Variants in MRPS5 observed in about 807,000 individuals in gnomAD.
MRPS5 encodes mitochondrial ribosomal protein S5, also known as small ribosomal subunit protein uS5m.
MRPS5 carries 27 observed loss-of-function variants against 51.9 expected under a neutral mutation model. That is an observed-to-expected ratio of 0.52 (90% CI 0.38 to 0.72). The LOEUF is 0.72. MRPS5 is among the 30% of genes least tolerant of loss of function. The probability of loss-of-function intolerance (pLI) is 0.00; values close to 1 mark genes in which losing one functional copy is unlikely to be tolerated. For synonymous variants in MRPS5, 196 were observed against 193.2 expected (o/e 1.01, Z -0.12); for missense variants, 570 against 545.7 (o/e 1.04, Z -0.44).
intron 2 of MRPS5, among the ~76,000 whole-genome samples, chr2:95,116,548 G>A (rs1439999252): frequency 5.9e-5 from 9 of 152,290 alleles, no homozygotes; most frequent in Middle Eastern, 6.8e-3. Flanking sequence ...TTTATAACAG[G>A]AGATGGCATC....
At chr2:95,110,304 C>G (rs1676080263) in intron 3 of MRPS5, among the ~76,000 whole-genome samples, 1 of 152,248 alleles carries the variant, frequency 6.6e-6, no homozygotes, top group Non-Finnish European at 1.5e-5. Flanking sequence ...TAAAAGCCAG[C>G]ATTCAAATCT....
intron 10 of MRPS5, among the ~76,000 whole-genome samples, chr2:95,100,159 A>G (rs1675753707): frequency 6.6e-6 from 1 of 152,194 alleles, no homozygotes; most frequent in East Asian, 1.9e-4. Context: ...AAATGCATCA[A>G]TGAATTCCCT....
At chr2:95,100,407 G>A in intron 10 of MRPS5, 67 bp downstream of exon 10, 18 of 1,172,026 alleles carry the variant, frequency 1.5e-5, no homozygotes, top group Non-Finnish European at 2.0e-5. Context: ...CAAAAATAGA[G>A]GAGAGGATAG....
intron 8 of MRPS5, 151 bp downstream of exon 8, chr2:95,101,526 A>C: frequency 1.8e-6 from 1 of 570,900 alleles, no homozygotes; most frequent in South Asian, 3.0e-5. Flanking sequence ...GTACTTCTGA[A>C]ACTGATTTTT....
Position 95,107,422 on chromosome 2 carries a change from G to C in MRPS5, c.637+753C>G, listed in dbSNP as rs902793676. ...TTCTGTGCCCTGCCCTTCCTTCTGT[G>C]AGCAAGTGAAGCCACTTCACACTCT... On this transcript the variant is annotated intron_variant, in intron 5 of 11. Coordinates refer to ENST00000272418, the MANE Select transcript of MRPS5 (RefSeq NM_031902.5). Among the ~76,000 whole-genome samples the C allele has an allele frequency of 5.3e-5, 8 of 152,034 alleles. No individual in the cohort carries two copies. In the East Asian group the frequency reaches 5.8e-4, roughly 11 times the overall value.
rs573934014 is a variant in MRPS5, at chr2:95,114,563, G to A, written c.277+503C>T. 3.7e-4 allele frequency among the ~76,000 whole-genome samples: 57 copies of A among 152,208 alleles called. No individual in the cohort carries two copies. In the South Asian group the frequency reaches 7.3e-3, roughly 19 times the overall value. Reference sequence around the variant, plus strand: ...TGGGATTACAGGCATGAGCCACCGCGCCCGGCCAATCCTAATTTCTTTTAA... The same window carrying A: ...TGGGATTACAGGCATGAGCCACCGCACCCGGCCAATCCTAATTTCTTTTAA... On this transcript the variant is annotated intron_variant, in intron 3 of 11. Transcript: ENST00000272418.
intron 10 of MRPS5, chr2:95,090,819 C>T: frequency 3.2e-6 from 1 of 313,816 alleles, no homozygotes. Flanking sequence ...AAATTCTTGG[C>T]ACCCCAGACT....
chr2:95,093,810 C>T (rs1462616112), intron 10 of MRPS5: 2 of 152,178 alleles, frequency 1.3e-5, no homozygotes, highest in Non-Finnish European at 2.9e-5. Flanking sequence ...ATTCTAAAAA[C>T]CAGAGCGCCT....
chr2:95,100,954 CA>C, intron 8 of MRPS5, 60 bp from the exon 9 acceptor site: 6 of 1,395,720 alleles, frequency 4.3e-6, no homozygotes, highest in Non-Finnish European at 5.9e-6. Flanking sequence ...TCAAGGATTC[CA>C]AAAACACTTT....
At chr2:95,107,870 T>C (rs1224218438) in intron 5 of MRPS5, among the ~76,000 whole-genome samples, 3 of 152,182 alleles carry the variant, frequency 2.0e-5, no homozygotes, top group Non-Finnish European at 2.9e-5. Context: ...TGGCCACCTG[T>C]GTTTTGGAAA....
At chr2:95,118,746 G>A (rs1573355142) in intron 1 of MRPS5, among the ~76,000 whole-genome samples, 2 of 152,154 alleles carry the variant, frequency 1.3e-5, no homozygotes, top group East Asian at 3.8e-4. Context: ...CATTCAATGA[G>A]GAAAGAATCA....
intron 1 of MRPS5, among the ~76,000 whole-genome samples, chr2:95,118,628 C>T (rs1676357204): frequency 6.6e-6 from 1 of 152,258 alleles, no homozygotes; most frequent in African/African-American, 2.4e-5. Context: ...GGAATCCCTG[C>T]AGCACCACGC....
chr2:95,091,921 A>G (rs976718820), intron 10 of MRPS5: 4 of 152,242 alleles, frequency 2.6e-5, no homozygotes, highest in Admixed American at 2.6e-4. Context: ...ACACACCTAG[A>G]GAGAGGTACA....
chr2:95,089,992 A>T (rs1675411380), intron 11 of MRPS5, among the ~76,000 whole-genome samples: 1 of 151,390 alleles, frequency 6.6e-6, no homozygotes, highest in Non-Finnish European at 1.5e-5. Context: ...CCCGGCTAAA[A>T]CGGTGAAACC....
chr2:95,121,755 C>A lies in MRPS5; in HGVS notation c.37G>T (p.Val13Leu). ...TAVRAVGCLP[V>L]LCSGTAGHLL... ...TCACCTGCCGTCCCGCTACACAGCACGGGGAGGCAGCCCACAGCGCGCACC... is the reference window on the plus strand; with the variant it reads ...TCACCTGCCGTCCCGCTACACAGCAAGGGGAGGCAGCCCACAGCGCGCACC... Residue 13 changes from valine to leucine, a missense_variant, in exon 1 of 12, where the codon GTG becomes TTG. Coordinates refer to ENST00000272418, the MANE Select transcript of MRPS5 (RefSeq NM_031902.5). The A allele has an allele frequency of 6.4e-7, 1 of 1,553,242 alleles. No individual in the cohort carries two copies. The highest frequency in any genetic ancestry group is 8.6e-7 in the Non-Finnish European group (1 of 1,158,758).
At chr2:95,114,886 A>C (rs1414369850) in intron 3 of MRPS5, among the ~76,000 whole-genome samples, 180 bp downstream of exon 3, 1 of 152,222 alleles carries the variant, frequency 6.6e-6, no homozygotes, top group Non-Finnish European at 1.5e-5. Context: ...TACTCCCCAG[A>C]ATACAACTGG....
intron 11 of MRPS5, among the ~76,000 whole-genome samples, chr2:95,090,164 G>A (rs1468996507): frequency 1.5e-4 from 19 of 126,446 alleles, no homozygotes; most frequent in African/African-American, 5.3e-4. Context: ...GTGACAGAGC[G>A]AGACTCCGTC....
rs1573320021 is a variant in MRPS5, at chr2:95,087,301, TGA to T, written c.*54_*55del. On this transcript the variant is annotated 3_prime_UTR_variant, in exon 12 of 12. Coordinates refer to ENST00000272418, the MANE Select transcript of MRPS5 (RefSeq NM_031902.5). ...GGTAACATCCCAAGCTGTGAGGGGC[TGA>T]GTCTCTCCTAGGTGCAGGGCAGCAC... 4 of 1,407,222 alleles carry T rather than the reference TGA, an allele frequency of 2.8e-6. No homozygotes were observed. The East Asian group carries it at 9.2e-5, about 32-fold the overall frequency. The allele number at this position is 1,407,222 out of a possible 1,614,324, so 87.2% of individuals were successfully genotyped here. A position where few individuals can be genotyped will look rare whatever the true frequency, so the allele number is the denominator to read the frequency against.
chr2:95,120,398 C>CAG (rs1285180115), intron 1 of MRPS5, among the ~76,000 whole-genome samples: 2 of 152,218 alleles, frequency 1.3e-5, no homozygotes, highest in East Asian at 3.9e-4. Context: ...AGGCAAGCTA[C>CAG]AGAGAGAGAG....
Sources: gnomAD v4.1 joint callset for allele counts (sites outside exome capture counted in the v4.1 genomes callset) on GRCh38, gnomAD v4.1.1 for gene constraint, MANE v1.5 for transcripts, NCBI Gene and HGNC (gene_info 2026-07-23, HGNC 2026-07-21) for gene names.